The following B3GLCT variants were observed in gnomAD, a reference collection of about 807,000 sequenced individuals.
B3GLCT encodes beta-1,3-glucosyltransferase.
In B3GLCT, 65 loss-of-function variants were observed where a neutral mutation model predicts 63.4. The ratio of observed to expected loss-of-function variants is 1.03; its 90% confidence interval spans 0.84 to 1.26. The LOEUF (loss-of-function observed/expected upper bound fraction) is 1.26. Ranked by LOEUF, B3GLCT falls within the 50% of genes most tolerant of loss-of-function variation. The pLI, the probability that B3GLCT is intolerant of heterozygous loss-of-function variation, is 0.00. For synonymous variants in B3GLCT, 233 were observed against 219.2 expected, an observed-to-expected ratio of 1.06 and a Z score of -0.55; for missense variants, 577 against 604.8, an observed-to-expected ratio of 0.95 and a Z score of 0.48.
At chr13:31,221,765 C>T (rs1213156661) in intron 2 of B3GLCT, among the ~76,000 whole-genome samples, 1 of 152,170 alleles carries the variant, frequency 6.6e-6, no homozygotes, top group African/African-American at 2.4e-5. Context: ...TAAGGGCTCA[C>T]GACCACATTT....
intron 8 of B3GLCT, among the ~76,000 whole-genome samples, chr13:31,271,480 A>G (rs1469780499): frequency 6.6e-6 from 1 of 152,204 alleles, no homozygotes; most frequent in Non-Finnish European, 1.5e-5. Context: ...TCCAAGGCAG[A>G]AGCTTTTAAA....
Position 31,276,770 on chromosome 13 carries a change from A to G in B3GLCT, c.849A>G (p.Arg283=). ...CATGCAAGAAATTTCATGGTGACAG[A>G]AGTATGTTTTGGGTTATTCATTTTA... The part of the protein sequence containing the change: ...VKTCKKFHGD[R]IPIVKQTWES... Residue 283 remains arginine (R), a splice_region_variant and synonymous_variant, in exon 10 of 15, where the codon AGA becomes AGG. Transcript: ENST00000343307. The G allele has an allele frequency of 6.2e-7, 1 of 1,609,680 alleles. No homozygotes were observed. The highest frequency in any genetic ancestry group is 8.5e-7 in the Non-Finnish European group (1 of 1,176,050).
At chr13:31,301,853 T>C (rs893128859) in intron 12 of B3GLCT, among the ~76,000 whole-genome samples, 1 of 152,248 alleles carries the variant, frequency 6.6e-6, no homozygotes, top group African/African-American at 2.4e-5. Context: ...TCTTTAATAA[T>C]GTTGTATTAA....
intron 8 of B3GLCT, among the ~76,000 whole-genome samples, chr13:31,269,548 C>T (rs1872487291): frequency 6.6e-6 from 1 of 152,006 alleles, no homozygotes. Flanking sequence ...AGGTAGATTT[C>T]TAAAAAAATG....
intron 2 of B3GLCT, among the ~76,000 whole-genome samples, chr13:31,220,465 T>G (rs573803952): frequency 6.6e-6 from 1 of 152,324 alleles, no homozygotes; most frequent in African/African-American, 2.4e-5. Flanking sequence ...TTGATTGATA[T>G]TGATAGCGTA....
chr13:31,301,023 C>T (rs1874197879), intron 12 of B3GLCT, among the ~76,000 whole-genome samples: 1 of 152,192 alleles, frequency 6.6e-6, no homozygotes, highest in South Asian at 2.1e-4. Flanking sequence ...TGAGTGAAGA[C>T]AGCCAGCCTG....
intron 1 of B3GLCT, among the ~76,000 whole-genome samples, chr13:31,205,076 A>T (rs1200176373): frequency 6.6e-6 from 1 of 152,104 alleles, no homozygotes; most frequent in Non-Finnish European, 1.5e-5. Flanking sequence ...GGGGGAGGTG[A>T]AGCTGAGTAA....
At chr13:31,323,039 C>A (rs1875409059) in intron 13 of B3GLCT, among the ~76,000 whole-genome samples, 1 of 152,178 alleles carries the variant, frequency 6.6e-6, no homozygotes, top group Non-Finnish European at 1.5e-5. Flanking sequence ...TATTTTGTTA[C>A]AACATCTTAA....
chr13:31,238,370 G>T (rs145390701), intron 4 of B3GLCT, among the ~76,000 whole-genome samples: 1 of 152,272 alleles, frequency 6.6e-6, no homozygotes, highest in African/African-American at 2.4e-5. Context: ...TGCAACAAGG[G>T]TCATTGTAAG....
At chr13:31,308,347 T>TAAAAAAA (rs1169835730) in intron 12 of B3GLCT, among the ~76,000 whole-genome samples, 86 of 23,656 alleles carry the variant, frequency 3.6e-3, no homozygotes, top group Middle Eastern at 0.038. Context: ...AAAAAAAAAT[T>TAAAAAAA]AAAAAAAAAA....
chr13:31,251,353 G>A (rs1253160879), intron 6 of B3GLCT, among the ~76,000 whole-genome samples: 4 of 152,166 alleles, frequency 2.6e-5, no homozygotes, highest in African/African-American at 7.2e-5. Context: ...AACAAAACTG[G>A]ATGGAGAATG....
Position 31,274,504 on chromosome 13 carries a change from G to A in B3GLCT, c.661-5G>A. 1 of 1,614,158 alleles carries A rather than the reference G, an allele frequency of 6.2e-7. No individual in the cohort carries two copies. The highest frequency in any genetic ancestry group is 8.5e-7 in the Non-Finnish European group (1 of 1,180,026). On this transcript the variant is annotated splice_polypyrimidine_tract_variant and splice_region_variant and intron_variant, in intron 8 of 14. Coordinates refer to ENST00000343307, the MANE Select transcript of B3GLCT (RefSeq NM_194318.4). ...CATCACTGCCTGTCTCCTGTCTCGTGGCAGATTGCCCTCTACATCTGGGAC... is the reference window on the plus strand; with the variant it reads ...CATCACTGCCTGTCTCCTGTCTCGTAGCAGATTGCCCTCTACATCTGGGAC...
chr13:31,310,655 G>A (rs1874658238), intron 12 of B3GLCT, among the ~76,000 whole-genome samples: 1 of 152,178 alleles, frequency 6.6e-6, no homozygotes, highest in Admixed American at 6.5e-5. Flanking sequence ...AAATGAGCTG[G>A]GACATGCCCC....
chr13:31,219,848 A>G (rs976767482), intron 2 of B3GLCT, among the ~76,000 whole-genome samples: 1 of 152,154 alleles, frequency 6.6e-6, no homozygotes. Flanking sequence ...TGTCTGTTAC[A>G]TTTGTTTTAT....
At chr13:31,206,584 CAAAA>C (rs11322955) in intron 1 of B3GLCT, among the ~76,000 whole-genome samples, 3 of 118,740 alleles carry the variant, frequency 2.5e-5, no homozygotes, top group African/African-American at 3.3e-5. Flanking sequence ...ACTAAAAATG[CAAAA>C]AAAAAAAAAA....
At chr13:31,295,102 C>T (rs1041717980) in intron 12 of B3GLCT, among the ~76,000 whole-genome samples, 6 of 152,088 alleles carry the variant, frequency 3.9e-5, no homozygotes, top group Non-Finnish European at 5.9e-5. Context: ...GTTTGCTGGA[C>T]GTTCACTCCA....
intron 6 of B3GLCT, among the ~76,000 whole-genome samples, chr13:31,259,614 T>A (rs996185122): frequency 1.3e-5 from 2 of 151,646 alleles, no homozygotes; most frequent in Non-Finnish European, 2.9e-5. Context: ...TGGGACCCCC[T>A]TACATCTCTT....
Position 31,329,680 on chromosome 13 carries a change from C to T in B3GLCT, c.*12C>T, listed in dbSNP as rs1421679816. 6.2e-7 allele frequency: 1 copy of T among 1,613,860 alleles called. No individual in the cohort carries two copies. Among genetic ancestry groups the T allele is most frequent in the Non-Finnish European group, 8.5e-7 (1 of 1,179,936 alleles). On this transcript the variant is annotated 3_prime_UTR_variant, in exon 15 of 15. Transcript: ENST00000343307. ...GAGAGGAGTTATAAATCAGGGTGAC[C>T]TGTGCGCCTAGCCTGCGCAGGGAAT...
intron 13 of B3GLCT, among the ~76,000 whole-genome samples, chr13:31,323,066 G>C (rs1875410449): frequency 6.6e-6 from 1 of 152,176 alleles, no homozygotes; most frequent in Admixed American, 6.5e-5. Flanking sequence ...AAATTCTCTT[G>C]TCTAGTCAAG....
Sources: gnomAD v4.1 joint callset for allele counts (sites outside exome capture counted in the v4.1 genomes callset) on GRCh38, gnomAD v4.1.1 for gene constraint, MANE v1.5 for transcripts, NCBI Gene and HGNC (gene_info 2026-07-23, HGNC 2026-07-21) for gene names.